The following ARHGAP33 variants were observed in gnomAD, a reference collection of about 807,000 sequenced individuals.
The protein encoded by ARHGAP33 is rho GTPase-activating protein 33.
In ARHGAP33, 57 loss-of-function variants were observed where a neutral mutation model predicts 126.2. That is an observed-to-expected ratio of 0.45 (90% CI 0.36 to 0.56). The LOEUF is 0.56. ARHGAP33 is among the 20% of genes least tolerant of loss of function. The pLI is 0.00. For synonymous variants in ARHGAP33, 711 were observed against 755.0 expected, an observed-to-expected ratio of 0.94 and a Z score of 0.95; for missense variants, 1,500 against 1,748.3, an observed-to-expected ratio of 0.86 and a Z score of 2.53.
chr19:35,777,367 G>A (rs759770951), intron 1 of ARHGAP33, among the ~76,000 whole-genome samples: 1 of 152,124 alleles, frequency 6.6e-6, no homozygotes, highest in African/African-American at 2.4e-5. Flanking sequence ...GGCTACGGAA[G>A]GGTTTTCAGC....
In ARHGAP33 at chr19:35,784,172, G is replaced by A. The variant is rs62112163; in HGVS notation, c.1422G>A (p.Arg474=). 298,272 of 1,608,664 alleles carry A rather than the reference G, an allele frequency of 0.19. 30,165 individuals carry two copies. Among genetic ancestry groups the A allele is most frequent in the South Asian group, 0.34 (30,896 of 90,632 alleles). The change falls in exon 16 of 21, where the codon CGG becomes CGA. Residue 474 remains arginine (R), a splice_region_variant and synonymous_variant. Transcript: ENST00000007510. ...CCTCCCTCCCGCTCCTCCCACCCAGGTCCATGGAGCTGGAGTCAGTGGGAA... is the reference window on the plus strand; with the variant it reads ...CCTCCCTCCCGCTCCTCCCACCCAGATCCATGGAGCTGGAGTCAGTGGGAA... ...LAIVWAPNLL[R]SMELESVGMG...
Position 35,785,413 on chromosome 19 carries a change from CAGACCCGACACCGTCACACTG to C in ARHGAP33, c.1876_1896del (p.Pro626_Arg632del), listed in dbSNP as rs1330514675. 6.2e-6 allele frequency: 10 copies of C among 1,614,214 alleles called. No homozygotes were observed. Among genetic ancestry groups the C allele is most frequent in the Non-Finnish European group, 8.5e-6 (10 of 1,180,032 alleles). On this transcript the variant is annotated inframe_deletion, in exon 19 of 21. Coordinates refer to ENST00000007510, the MANE Select transcript of ARHGAP33 (RefSeq NM_001366178.1). ...CTACCTCTCCCTCTCCTGCAGGCAG[CAGACCCGACACCGTCACACTG>C]AGATCTGCCAAGAGCGAGGAGTCTC...
In ARHGAP33 at chr19:35,782,441, T is replaced by C; in HGVS notation, c.1154T>C (p.Val385Ala). ...GPAFLQDIHS[V>A]SSLCKLYFRE... ...GCATTCCTGCAGGACATCCACAGCG[T>C]GTCCTCCCTCTGCAAGCTCTACTTC... Residue 385 changes from valine to alanine, a missense_variant, in exon 13 of 21, where the codon GTG becomes GCG. By Grantham distance (64) the Val-to-Ala change is moderately conservative. Transcript: ENST00000007510. This position sits in a 1 kb window ranked among gnomAD's most constrained non-coding sequence, Gnocchi z 4.1. The C allele has an allele frequency of 6.2e-7, 1 of 1,613,640 alleles. No homozygotes were observed. The highest frequency in any genetic ancestry group is 1.1e-5 in the South Asian group (1 of 91,074).
chr19:35,781,608 G>A (rs1250300132), intron 12 of ARHGAP33, among the ~76,000 whole-genome samples: 1 of 152,200 alleles, frequency 6.6e-6, no homozygotes, highest in Non-Finnish European at 1.5e-5. Flanking sequence ...TTGGGGTAAG[G>A]AGGATGGCGA....
chr19:35,786,960 G>C lies in ARHGAP33; in HGVS notation c.2490G>C (p.Arg830=), dbSNP rs770653662. The change falls in exon 20 of 21, where the codon CGG becomes CGC. Residue 830 remains arginine, a synonymous_variant. Transcript: ENST00000007510. This position sits in a 1 kb window ranked among gnomAD's most constrained non-coding sequence, Gnocchi z 7.0. ...ATPTPALSPG[R]SLRPHLIPLL... Reference sequence around the variant, plus strand: ...CAACACCAGCTCTCAGCCCCGGCCGGAGCCTGCGCCCCCATCTCATACCCC... The same window carrying C: ...CAACACCAGCTCTCAGCCCCGGCCGCAGCCTGCGCCCCCATCTCATACCCC... The C allele has an allele frequency of 6.2e-7, 1 of 1,610,716 alleles. No individual in the cohort carries two copies. The highest frequency in any genetic ancestry group is 8.5e-7 in the Non-Finnish European group (1 of 1,179,342).
Position 35,777,924 on chromosome 19 carries a change from A to C in ARHGAP33, c.189+16A>C, listed in dbSNP as rs1415785212. On this transcript the variant is annotated intron_variant, in intron 3 of 20. Transcript: ENST00000007510. ...CCACATTCAGGTATGGGGGCTTTGCATTTGCACCCAGGAGGGAAGACAATA... is the reference window on the plus strand; with the variant it reads ...CCACATTCAGGTATGGGGGCTTTGCCTTTGCACCCAGGAGGGAAGACAATA... 2 of 1,613,020 alleles carry C rather than the reference A, an allele frequency of 1.2e-6. No homozygotes were observed. Among genetic ancestry groups the C allele is most frequent in the Admixed American group, 1.7e-5 (1 of 60,002 alleles).
rs1422428947 is a variant in ARHGAP33, at chr19:35,778,310, A to G, written c.220A>G (p.Ser74Gly). 6.2e-7 allele frequency: 1 copy of G among 1,614,184 alleles called. No homozygotes were observed. ...GCTGTCTCCAGACCGTGAAGGGCCCAGCCTCTCTGGAGAGAATGAGCTGGT... is the reference window on the plus strand; with the variant it reads ...GCTGTCTCCAGACCGTGAAGGGCCCGGCCTCTCTGGAGAGAATGAGCTGGT... ...LLLSPDREGPSLSGENELVFG... is the reference protein window; with the variant it reads ...LLLSPDREGPGLSGENELVFG... Residue 74 changes from serine (S) to glycine (G), a missense_variant, in exon 4 of 21, where the codon AGC becomes GGC. This residue lies in a region of ARHGAP33 where 129 missense variants were observed against 145.9 expected (regional missense o/e 0.88). Coordinates refer to ENST00000007510, the MANE Select transcript of ARHGAP33 (RefSeq NM_001366178.1).
Position 35,787,453 on chromosome 19 carries a change from T to C in ARHGAP33, c.2888T>C (p.Val963Ala). ...TCCCTAGCACACCCGGGTGCCTGGG[T>C]CCCGGGACCCCCACCCTACTTACCA... ...PNSLAHPGAW[V>A]PGPPPYLPRQ... The change falls in exon 21 of 21, where the codon GTC (valine) becomes GCC (alanine). Residue 963 changes from valine to alanine, a missense_variant. This residue lies in a region of ARHGAP33 where 642 missense variants were observed against 634.0 expected (regional missense o/e 1.01). Coordinates refer to ENST00000007510, the MANE Select transcript of ARHGAP33 (RefSeq NM_001366178.1). 1 of 1,612,044 alleles carries C rather than the reference T, an allele frequency of 6.2e-7. No individual in the cohort carries two copies. The highest frequency in any genetic ancestry group is 8.5e-7 in the Non-Finnish European group (1 of 1,179,302).
intron 16 of ARHGAP33, chr19:35,784,697 C>G: frequency 7.6e-7 from 1 of 1,323,568 alleles, no homozygotes; most frequent in Non-Finnish European, 9.6e-7. Flanking sequence ...GGAGGGCCCT[C>G]TGGCCCGAGG....
intron 16 of ARHGAP33, chr19:35,784,643 C>T (rs1972000991): frequency 7.8e-7 from 1 of 1,275,688 alleles, no homozygotes; most frequent in Non-Finnish European, 9.9e-7. Context: ...ACCCAGACTC[C>T]CCGCCCTGCC....
Position 35,777,762 on chromosome 19 carries a change from G to C in ARHGAP33, c.104+20G>C. 6.2e-7 allele frequency: 1 copy of C among 1,613,500 alleles called. No homozygotes were observed. Among genetic ancestry groups the C allele is most frequent in the Non-Finnish European group, 8.5e-7 (1 of 1,179,550 alleles). On this transcript the variant is annotated intron_variant, in intron 2 of 20. Coordinates refer to ENST00000007510, the MANE Select transcript of ARHGAP33 (RefSeq NM_001366178.1). ...GAAGAGGTGAGGGTGAGGGAGGAAA[G>C]GGCTCAGCTAGGAGCTGGGGAGACT... is the stretch of plus-strand genomic sequence containing the variant.
At position 35,787,243 on chromosome 19, in the gene ARHGAP33, C is replaced by T; in HGVS notation, c.2678C>T (p.Pro893Leu). The T allele has an allele frequency of 6.2e-7, 1 of 1,611,424 alleles. No homozygotes were observed. Among genetic ancestry groups the T allele is most frequent in the Non-Finnish European group, 8.5e-7 (1 of 1,179,298 alleles). Residue 893 changes from proline to leucine, a missense_variant, in exon 21 of 21, where the codon CCT (proline) becomes CTT (leucine). Transcript: ENST00000007510. ...LRPGGAPPPPPKNPARLMALA... is the reference protein window; with the variant it reads ...LRPGGAPPPPLKNPARLMALA... ...CCTGGGGGTGCCCCACCCCCGCCCC[C>T]TAAGAACCCAGCACGCCTCATGGCC...
chr19:35,785,476 C>A lies in ARHGAP33; in HGVS notation c.1935C>A (p.Ser645Arg). 1.9e-6 allele frequency: 3 copies of A among 1,614,160 alleles called. No homozygotes were observed. Among genetic ancestry groups the A allele is most frequent in the Non-Finnish European group, 2.5e-6 (3 of 1,180,004 alleles). The change falls in exon 19 of 21, where the codon AGC becomes AGA. Residue 645 changes from serine to arginine, a missense_variant. Physicochemically the swap from Ser to Arg is moderately radical, Grantham distance 110. Coordinates refer to ENST00000007510, the MANE Select transcript of ARHGAP33 (RefSeq NM_001366178.1). ...AGGAGTCTCTGTCATCGCAGGCCAG[C>A]GGGGCTGGTGAGCAAGGCGGGCAAT... ...KSEESLSSQA[S>R]GAGLQRLHRL...
Position 35,785,328 on chromosome 19 carries a change from C to A in ARHGAP33, c.1861C>A (p.Pro621Thr). The change falls in exon 18 of 21, where the codon CCT becomes ACT. Residue 621 changes from proline to threonine, a missense_variant. By Grantham distance (38) the Pro-to-Thr change is conservative. Coordinates refer to ENST00000007510, the MANE Select transcript of ARHGAP33 (RefSeq NM_001366178.1). The part of the protein sequence containing the change: ...WLGGTRAPPQ[P>T]SGSRPDTVTL... The stretch of plus-strand genomic sequence containing the variant: ...GGGGGGCACCCGTGCCCCACCGCAG[C>A]CTTCAGGTGAGAGGCTGAGCCATGG... 6.2e-7 allele frequency: 1 copy of A among 1,611,618 alleles called. No homozygotes were observed. The highest frequency in any genetic ancestry group is 2.2e-5 in the East Asian group (1 of 44,802).
intron 16 of ARHGAP33, 199 bp downstream of exon 16, chr19:35,784,516 C>T (rs1002867403): frequency 2.8e-5 from 37 of 1,319,624 alleles, no homozygotes; most frequent in Non-Finnish European, 3.5e-5. Context: ...AGGATTCCCA[C>T]CTCTTGGCCC....
In ARHGAP33 at chr19:35,784,478, C is replaced by A. The variant is rs541740623; in HGVS notation, c.1567+161C>A. The A allele has an allele frequency of 1.6e-5, 22 of 1,362,604 alleles. No individual in the cohort carries two copies. In the East Asian group the frequency reaches 3.8e-4, roughly 24 times the overall value. 84.4% of individuals were successfully genotyped at this position (1,362,604 alleles called of 1,614,324 possible). On this transcript the variant is annotated intron_variant, in intron 16 of 20. Coordinates refer to ENST00000007510, the MANE Select transcript of ARHGAP33 (RefSeq NM_001366178.1). ...CCCGGCCTCTCCCTCCCCGCGCCCC[C>A]CTCCTTCTCATTTCAGCTCCTCCGC...
intron 19 of ARHGAP33, 41 bp downstream of exon 19, chr19:35,785,524 T>C (rs2146741885): frequency 6.2e-6 from 10 of 1,612,454 alleles, no homozygotes; most frequent in Non-Finnish European, 8.5e-6. Context: ...CCTGTGCCCA[T>C]GTGGAGCCGG....
chr19:35,787,531 C>T lies in ARHGAP33; in HGVS notation c.2966C>T (p.Ser989Leu), dbSNP rs201320926. The change falls in exon 21 of 21, where the codon TCA becomes TTA. Residue 989 changes from serine (S) to leucine (L), a missense_variant. Transcript: ENST00000007510. ...AGGAGCCAGCGGCCCATGGGGACCT[C>T]AAGGAGGGGACTCCGAGGCCCTGCC... ...LLRSQRPMGT[S>L]RRGLRGPAQV... 1.9e-6 allele frequency: 3 copies of T among 1,612,002 alleles called. No individual in the cohort carries two copies. Among genetic ancestry groups the T allele is most frequent in the Admixed American group, 3.3e-5 (2 of 59,958 alleles).
chr19:35,784,863 G>A (rs1972020241), intron 16 of ARHGAP33, 90 bp from the exon 17 acceptor site: 1 of 1,407,118 alleles, frequency 7.1e-7, no homozygotes, highest in Non-Finnish European at 9.2e-7. Context: ...GGCATGCTGC[G>A]GGGCCGGGGC....
Sources: gnomAD v4.1 joint callset for allele counts (sites outside exome capture counted in the v4.1 genomes callset) on GRCh38, gnomAD v4.1.1 for gene constraint, gnomAD v4.1.1 regional missense constraint, Gnocchi (gnomAD v3.1) non-coding constraint, MANE v1.5 for transcripts, NCBI Gene and HGNC (gene_info 2026-07-23, HGNC 2026-07-21) for gene names.